Variants in SOX30 observed in about 807,000 individuals in gnomAD.
SOX30 encodes the protein SRY-box transcription factor 30.
In SOX30, 17 loss-of-function variants were observed where a neutral mutation model predicts 58.6. The observed-to-expected ratio is 0.29, with a 90% confidence interval of 0.20 to 0.44. SOX30 has a LOEUF of 0.44. Ranked by LOEUF, SOX30 falls within the 20% of genes least tolerant of loss-of-function variation. The pLI, the probability that SOX30 is intolerant of heterozygous loss-of-function variation, is 1.00. For missense variants in SOX30, 951 were observed against 965.8 expected (o/e 0.98, Z 0.20); for synonymous variants, 421 against 400.2 (o/e 1.05, Z -0.62).
intron 3 of SOX30, among the ~76,000 whole-genome samples, chr5:157,641,305 C>T (rs113445588): frequency 7.9e-5 from 12 of 152,134 alleles, no homozygotes; most frequent in African/African-American, 1.9e-4. Context: ...AATAATGCAC[C>T]AGACATAAAA....
At chr5:157,666,346 G>T (rs932774325) in intron 2 of SOX30, among the ~76,000 whole-genome samples, 2 of 151,764 alleles carry the variant, frequency 1.3e-5, no homozygotes, top group African/African-American at 2.4e-5. Context: ...TTTTTGTAGA[G>T]ATAGGGTCTG....
intron 2 of SOX30, among the ~76,000 whole-genome samples, chr5:157,657,493 A>G (rs1480811543): frequency 6.6e-6 from 1 of 152,212 alleles, no homozygotes. Flanking sequence ...TGATATTAAA[A>G]TAAAGGAAAA....
intron 2 of SOX30, among the ~76,000 whole-genome samples, chr5:157,661,737 G>A (rs1213178997): frequency 6.6e-6 from 1 of 152,172 alleles, no homozygotes; most frequent in East Asian, 1.9e-4. Context: ...TGGTAATAGT[G>A]TATAATCCTT....
intron 2 of SOX30, among the ~76,000 whole-genome samples, chr5:157,666,038 AAAAG>A (rs1389878773): frequency 1.3e-5 from 2 of 152,068 alleles, no homozygotes; most frequent in African/African-American, 4.8e-5. Flanking sequence ...GAAGAAGATT[AAAAG>A]AAAGAAAAAT....
At chr5:157,667,891 C>G in intron 1 of SOX30, 1 of 1,530,822 alleles carries the variant, frequency 6.5e-7, no homozygotes. Flanking sequence ...TACTGAGCAC[C>G]TATGACCTGC....
At position 157,651,656 on chromosome 5, in the gene SOX30, C is replaced by T; in HGVS notation, c.423G>A (p.Lys141=). 1 of 1,611,400 alleles carries T rather than the reference C, an allele frequency of 6.2e-7. No individual in the cohort carries two copies. Among genetic ancestry groups the T allele is most frequent in the East Asian group, 2.2e-5 (1 of 44,816 alleles). ...CTGACTGATCCAGGCTGGGCCCCAG[C>T]TTCTGCTTCTTGGCCTTGACATGCA... ...LALHVKAKKQ[K]LGPSLDQSVG... The change falls in exon 1 of 5, where the codon AAG becomes AAA. Residue 141 remains lysine, a synonymous_variant. Coordinates refer to ENST00000265007, the MANE Select transcript of SOX30 (RefSeq NM_178424.2).
chr5:157,668,484 C>G (rs1319164860), intron 1 of SOX30, among the ~76,000 whole-genome samples: 3 of 152,008 alleles, frequency 2.0e-5, no homozygotes, highest in Admixed American at 6.6e-5. Context: ...TCTCATCCAT[C>G]CATCCATTCA....
chr5:157,646,529 CATT>C (rs201762111), intron 3 of SOX30, 105 bp downstream of exon 3: 12,741 of 804,284 alleles, frequency 0.016, 186 homozygotes, highest in South Asian at 0.06. Context: ...TTTTTCTTAA[CATT>C]GTTGTTCCAA....
In SOX30 at chr5:157,638,329, G is replaced by A. The variant is rs1206179365; in HGVS notation, c.1781C>T (p.Pro594Leu). The change falls in exon 4 of 5, where the codon CCC (proline) becomes CTC (leucine). Residue 594 changes from proline (P) to leucine (L), a missense_variant. By Grantham distance (98) the Pro-to-Leu change is moderately conservative. Coordinates refer to ENST00000265007, the MANE Select transcript of SOX30 (RefSeq NM_178424.2). The stretch of plus-strand genomic sequence containing the variant: ...TGTGGCTGGATGGCCAAGGGGAGGG[G>A]GCTGGTAGACATGTGGGTGTGGAAT... ...SPIPHPHVYQ[P>L]PPLGHPATLF... 1 of 1,612,544 alleles carries A rather than the reference G, an allele frequency of 6.2e-7. No homozygotes were observed. The highest frequency in any genetic ancestry group is 1.1e-5 in the South Asian group (1 of 90,928).
intron 4 of SOX30, among the ~76,000 whole-genome samples, chr5:157,635,628 A>AAAAAACAAAAAC (rs369422470): frequency 6.6e-6 from 1 of 151,806 alleles, no homozygotes; most frequent in East Asian, 1.9e-4. Context: ...TGTCTCAAAA[A>AAAAAACAAAAAC]AAAAACAAAA....
Position 157,646,780 on chromosome 5 carries a change from C to A in SOX30, c.1244G>T (p.Arg415Leu), listed in dbSNP as rs1468142977. The A allele has an allele frequency of 6.2e-7, 1 of 1,613,874 alleles. No individual in the cohort carries two copies. The highest frequency in any genetic ancestry group is 8.5e-7 in the Non-Finnish European group (1 of 1,179,956). ...TACATTGGAAACACTTAGAGGGAAT[C>A]GTTTTCGCTTCCCTGGACGAGGCTG... ...VYQPRPGKRK[R>L]FPLSVSNVFS... The change falls in exon 3 of 5, where the codon CGA becomes CTA. Residue 415 changes from arginine to leucine, a missense_variant. Coordinates refer to ENST00000265007, the MANE Select transcript of SOX30 (RefSeq NM_178424.2).
At chr5:157,644,772 G>A (rs1759148023) in intron 3 of SOX30, among the ~76,000 whole-genome samples, 1 of 152,162 alleles carries the variant, frequency 6.6e-6, no homozygotes, top group Non-Finnish European at 1.5e-5. Context: ...CTTGAGGCCA[G>A]GAGTTCGAGA....
chr5:157,634,094 G>A (rs150263004), intron 4 of SOX30, among the ~76,000 whole-genome samples: 2 of 152,212 alleles, frequency 1.3e-5, no homozygotes, highest in Non-Finnish European at 2.9e-5. Context: ...GCCCCAGAGA[G>A]GGGGAGCAGC....
rs761248876 is a variant in SOX30, at chr5:157,646,639, A to C, written c.1385T>G (p.Val462Gly). Residue 462 changes from valine (V) to glycine (G), a missense_variant and splice_region_variant, in exon 3 of 5, where the codon GTT becomes GGT. By Grantham distance (109) the Val-to-Gly change is moderately radical. Transcript: ENST00000265007. Reference sequence around the variant, plus strand: ...AATCTACAATAAAACTAACTCACCAACTGGATGAGTGATGGGATTCTGTAG... The same window carrying C: ...AATCTACAATAAAACTAACTCACCACCTGGATGAGTGATGGGATTCTGTAG... Reference protein sequence around the residue: ...PSLQNPITHPVGETSPAIQLP... With the variant: ...PSLQNPITHPGGETSPAIQLP... The C allele has an allele frequency of 3.1e-6, 5 of 1,597,376 alleles. No homozygotes were observed. Among genetic ancestry groups the C allele is most frequent in the South Asian group, 2.3e-5 (2 of 87,064 alleles).
upstream of SOX30, chr5:157,652,456 G>C: frequency 2.2e-6 from 2 of 929,172 alleles, no homozygotes; most frequent in African/African-American, 3.5e-5. Context: ...CCCAGGAAAC[G>C]TTGCGCTTCC....
chr5:157,646,546 C>T (rs911652802), intron 3 of SOX30, 91 bp downstream of exon 3: 1 of 931,506 alleles, frequency 1.1e-6, no homozygotes, highest in African/African-American at 1.7e-5. Flanking sequence ...GTTCCAAATT[C>T]TTAAGACTAA....
At chr5:157,654,186 T>C (rs1316906874), upstream of SOX30, among the ~76,000 whole-genome samples, 2 of 151,664 alleles carry the variant, frequency 1.3e-5, no homozygotes, top group African/African-American at 4.8e-5. Flanking sequence ...AAAAAACTAT[T>C]GAAGATCCCA....
intron 2 of SOX30, among the ~76,000 whole-genome samples, chr5:157,664,947 A>AAC (rs1380222280): frequency 6.6e-6 from 1 of 152,248 alleles, no homozygotes; most frequent in East Asian, 1.9e-4. Context: ...GTCAGGAAAC[A>AAC]ACAGGTGCTG....
chr5:157,655,805 T>C (rs532113763), upstream of SOX30, among the ~76,000 whole-genome samples: 2 of 152,342 alleles, frequency 1.3e-5, no homozygotes, highest in South Asian at 4.1e-4. Context: ...TACAAAGTTT[T>C]GATTAATGGA....
Sources: gnomAD v4.1 joint callset for allele counts (sites outside exome capture counted in the v4.1 genomes callset) on GRCh38, gnomAD v4.1.1 for gene constraint, MANE v1.5 for transcripts, NCBI Gene and HGNC (gene_info 2026-07-23, HGNC 2026-07-21) for gene names.